DGKG: variants seen among roughly 807,000 people sequenced by gnomAD.
The protein encoded by DGKG is diacylglycerol kinase gamma, also known as DAG kinase gamma.
A neutral mutation model predicts 105.3 loss-of-function variants in DGKG; 78 were observed. That is an observed-to-expected ratio of 0.74 (90% CI 0.62 to 0.89). The LOEUF is 0.89. DGKG is among the 40% of genes least tolerant of loss of function. The pLI, the probability that DGKG is intolerant of heterozygous loss-of-function variation, is 0.00. For synonymous variants in DGKG, 346 were observed against 367.1 expected, an observed-to-expected ratio of 0.94 and a Z score of 0.66; for missense variants, 958 against 1,020.1, an observed-to-expected ratio of 0.94 and a Z score of 0.83.
chr3:186,320,317 A>G (rs1225948810), intron 2 of DGKG, 76 bp downstream of exon 2: 11 of 1,569,794 alleles, frequency 7.0e-6, no homozygotes, highest in Non-Finnish European at 8.7e-6. Flanking sequence ...CAATGATCAT[A>G]CTGCTATGCT....
At chr3:186,280,523 G>C (rs1404698477) in intron 8 of DGKG, 147 bp downstream of exon 8, 1 of 561,902 alleles carries the variant, frequency 1.8e-6, no homozygotes, top group African/African-American at 1.9e-5. Flanking sequence ...AGAGGTAGGA[G>C]GTAAAGTGCA....
At chr3:186,341,004 A>T (rs1726060612) in intron 1 of DGKG, among the ~76,000 whole-genome samples, 1 of 152,152 alleles carries the variant, frequency 6.6e-6, no homozygotes, top group South Asian at 2.1e-4. Context: ...ACCGAAAACC[A>T]CAAGCTTCAA....
At position 186,231,889 on chromosome 3, in the gene DGKG, C is replaced by T. The variant is rs949624225; in HGVS notation, c.1826+10615G>A. 2.0e-5 allele frequency among the ~76,000 whole-genome samples: 3 copies of T among 152,104 alleles called. No individual in the cohort carries two copies. Among genetic ancestry groups the T allele is most frequent in the African/African-American group, 7.2e-5 (3 of 41,412 alleles). ...TGAGCCGAGATAGAGCCACTGACTCCAGCCTGGGTGACAGAGAGAGAGACT... is the reference window on the plus strand; with the variant it reads ...TGAGCCGAGATAGAGCCACTGACTCTAGCCTGGGTGACAGAGAGAGAGACT... On this transcript the variant is annotated intron_variant, in intron 20 of 24. Transcript: ENST00000265022. This position sits in a 1 kb window ranked among gnomAD's most constrained non-coding sequence, Gnocchi z 4.5.
At chr3:186,239,362 T>G (rs548363985) in intron 20 of DGKG, among the ~76,000 whole-genome samples, 2 of 152,358 alleles carry the variant, frequency 1.3e-5, no homozygotes, top group Non-Finnish European at 2.9e-5. Flanking sequence ...AAAATAGGCC[T>G]TGTTTGATAA....
At chr3:186,275,963 TC>T (rs1722564357) in intron 9 of DGKG, among the ~76,000 whole-genome samples, 1 of 149,776 alleles carries the variant, frequency 6.7e-6, no homozygotes, top group Non-Finnish European at 1.5e-5. Context: ...TATCTATCTA[TC>T]TATCTATCTA....
chr3:186,296,979 T>C (rs1723595090), intron 5 of DGKG, among the ~76,000 whole-genome samples: 1 of 152,108 alleles, frequency 6.6e-6, no homozygotes, highest in Admixed American at 6.6e-5. Flanking sequence ...CCTCTTGCTC[T>C]GTTCCTCTCC....
chr3:186,164,106 G>GGTTCTGGGAGAAAAGA (rs1279748412), intron 23 of DGKG, among the ~76,000 whole-genome samples: 5 of 152,164 alleles, frequency 3.3e-5, no homozygotes, highest in African/African-American at 1.2e-4. Context: ...TTGCCCAGGA[G>GGTTCTGGGAGAAAAGA]GTTCTGGGAG....
rs1009983404 is a variant in DGKG, at chr3:186,242,654, T to G, written c.1762-86A>C. ...GGAAGGGACGCACGCATGCACTCGC[T>G]GAGTCATGCCAACCCTGGGACTCTA... On this transcript the variant is annotated intron_variant, in intron 19 of 24. Transcript: ENST00000265022. 17 of 1,165,394 alleles carry G rather than the reference T, an allele frequency of 1.5e-5. No homozygotes were observed. The Admixed American group carries it at 1.8e-4, about 12-fold the overall frequency. The allele number at this position is 1,165,394 out of a possible 1,614,324, so 72.2% of individuals were successfully genotyped here.
chr3:186,207,264 T>A (rs1718791619), intron 21 of DGKG, among the ~76,000 whole-genome samples: 2 of 152,210 alleles, frequency 1.3e-5, no homozygotes, highest in African/African-American at 4.8e-5. Flanking sequence ...AGACTGGGAA[T>A]AAGGACATTG....
chr3:186,198,650 A>C (rs1718299077), intron 21 of DGKG, among the ~76,000 whole-genome samples: 7 of 152,232 alleles, frequency 4.6e-5, no homozygotes, highest in Admixed American at 4.6e-4. Flanking sequence ...TCAAGTGACC[A>C]TGATGACATC....
chr3:186,258,455 G>T (rs1344057477), intron 16 of DGKG, among the ~76,000 whole-genome samples: 1 of 151,982 alleles, frequency 6.6e-6, no homozygotes, highest in African/African-American at 2.4e-5. Flanking sequence ...AACCTCCAAG[G>T]GTTCTATGGA....
At chr3:186,154,893 CTG>C (rs1715959366) in intron 24 of DGKG, among the ~76,000 whole-genome samples, 1 of 152,126 alleles carries the variant, frequency 6.6e-6, no homozygotes, top group Admixed American at 6.5e-5. Context: ...GCCCAGCAAT[CTG>C]TGTTTCAGAA....
chr3:186,306,814 C>A, intron 3 of DGKG, 87 bp downstream of exon 3: 1 of 866,882 alleles, frequency 1.2e-6, no homozygotes, highest in South Asian at 1.5e-5. Flanking sequence ...TTCTTCAAGG[C>A]AAGCGGAGTC....
chr3:186,357,299 T>C (rs1727014374), intron 1 of DGKG, among the ~76,000 whole-genome samples: 2 of 152,156 alleles, frequency 1.3e-5, no homozygotes, highest in South Asian at 4.1e-4. Flanking sequence ...ATTGTTTCTC[T>C]TGGAAAGCTT....
intron 1 of DGKG, among the ~76,000 whole-genome samples, chr3:186,324,080 C>G (rs1725217824): frequency 6.8e-6 from 1 of 147,708 alleles, no homozygotes. Context: ...TGCACTCCAG[C>G]CTGGCGACAG....
At chr3:186,194,685 A>G (rs1718086704) in intron 21 of DGKG, among the ~76,000 whole-genome samples, 1 of 151,336 alleles carries the variant, frequency 6.6e-6, no homozygotes, top group African/African-American at 2.4e-5. Context: ...GGAAGCCAGG[A>G]CTCGGTAGCT....
At chr3:186,330,831 C>T (rs910120318) in intron 1 of DGKG, among the ~76,000 whole-genome samples, 1 of 152,244 alleles carries the variant, frequency 6.6e-6, no homozygotes, top group East Asian at 1.9e-4. Context: ...CATCCCCGCT[C>T]AGCCTGGTCT....
Position 186,261,679 on chromosome 3 carries a change from T to G in DGKG, c.1349+20A>C, listed in dbSNP as rs774869818. The G allele has an allele frequency of 4.2e-5, 67 of 1,576,788 alleles. No homozygotes were observed. Among genetic ancestry groups the G allele is most frequent in the Non-Finnish European group, 5.6e-5 (65 of 1,155,110 alleles). ...TCGTGTCGCCCTAGTTGCTCCACTT[T>G]GAAACAGAAGAGAACGTACCTTTCT... On this transcript the variant is annotated intron_variant, in intron 15 of 24. Coordinates refer to ENST00000265022, the MANE Select transcript of DGKG (RefSeq NM_001346.3).
chr3:186,344,360 A>T (rs980020626), intron 1 of DGKG, among the ~76,000 whole-genome samples: 7 of 151,214 alleles, frequency 4.6e-5, no homozygotes, highest in African/African-American at 1.5e-4. Context: ...GACAGATTGG[A>T]TAAAGAAAAT....
Sources: allele counts gnomAD v4.1 joint callset (sites outside exome capture counted in the v4.1 genomes callset), GRCh38; gene constraint gnomAD v4.1.1; non-coding constraint Gnocchi (gnomAD v3.1); transcripts MANE v1.5; gene names NCBI Gene and HGNC (gene_info 2026-07-23, HGNC 2026-07-21).